The following MED13L variants were observed in gnomAD, a reference collection of about 807,000 sequenced individuals.
MED13L encodes the protein mediator complex subunit 13L.
In MED13L, 7 loss-of-function variants were observed where a neutral mutation model predicts 220.9. The observed-to-expected ratio is 0.03, with a 90% CI of 0.02 to 0.06. The LOEUF (loss-of-function observed/expected upper bound fraction) is 0.06, where lower values mean the gene tolerates loss of function less well. Ranked by LOEUF, MED13L falls within the 10% of genes least tolerant of loss-of-function variation. The pLI, the probability that MED13L is intolerant of heterozygous loss-of-function variation, is 1.00. For missense variants in MED13L, 1,965 were observed against 2,760.5 expected (o/e 0.71, Z 6.46); for synonymous variants, 1,011 against 1,015.2 (o/e 1.00, Z 0.08).
chr12:116,153,421 C>A (rs1199939936), intron 2 of MED13L, among the ~76,000 whole-genome samples: 1 of 152,196 alleles, frequency 6.6e-6, no homozygotes, highest in Non-Finnish European at 1.5e-5. Context: ...TACCACAAGT[C>A]TCTATCCCAC....
intron 4 of MED13L, among the ~76,000 whole-genome samples, chr12:116,060,145 C>T (rs1484613468): frequency 6.6e-6 from 1 of 152,106 alleles, no homozygotes; most frequent in Non-Finnish European, 1.5e-5. Context: ...CAAAACACTG[C>T]CCAGGACACT....
intron 4 of MED13L, among the ~76,000 whole-genome samples, chr12:116,094,433 A>C (rs1872500184): frequency 6.6e-6 from 1 of 152,220 alleles, no homozygotes; most frequent in African/African-American, 2.4e-5. Context: ...TCAAATTCCC[A>C]AATACATTAC....
intron 1 of MED13L, among the ~76,000 whole-genome samples, chr12:116,249,145 A>C (rs1254854900): frequency 6.6e-6 from 1 of 152,206 alleles, no homozygotes; most frequent in Non-Finnish European, 1.5e-5. Context: ...CTATCACTCC[A>C]AGAGTTCACC....
Position 115,991,965 on chromosome 12 carries a change from AAG to A in MED13L, c.2997-10_2997-9del, listed in dbSNP as rs1481610685. ...CCAACACTAGGCACGTTACTACAAA[AAG>A]AGAAGGCACCAAGTGAGGAAGGGCA... On this transcript the variant is annotated splice_polypyrimidine_tract_variant and intron_variant, in intron 16 of 30. Transcript: ENST00000281928. This position sits in a 1 kb window ranked among gnomAD's most constrained non-coding sequence, Gnocchi z 7.7. The A allele has an allele frequency of 6.3e-7, 1 of 1,596,996 alleles. No individual in the cohort carries two copies. Among genetic ancestry groups the A allele is most frequent in the East Asian group, 2.2e-5 (1 of 44,776 alleles).
chr12:116,093,082 T>C (rs986312426), intron 4 of MED13L, among the ~76,000 whole-genome samples: 2 of 152,190 alleles, frequency 1.3e-5, no homozygotes, highest in Admixed American at 6.5e-5. Flanking sequence ...GGATTGAGAT[T>C]AAATTAGAAA....
At chr12:116,238,929 CA>C (rs1305061057) in intron 1 of MED13L, among the ~76,000 whole-genome samples, 2 of 152,010 alleles carry the variant, frequency 1.3e-5, no homozygotes, top group African/African-American at 4.8e-5. Flanking sequence ...ACCCCGTCTC[CA>C]CTAAAAATAC....
At chr12:116,207,189 T>C (rs1157236142) in intron 2 of MED13L, among the ~76,000 whole-genome samples, 1 of 151,604 alleles carries the variant, frequency 6.6e-6, no homozygotes, top group East Asian at 1.9e-4. Context: ...TTTACAGAGA[T>C]GGGGTCTCCC....
intron 4 of MED13L, among the ~76,000 whole-genome samples, chr12:116,026,506 A>AC (rs1478433801): frequency 6.6e-6 from 1 of 152,172 alleles, no homozygotes; most frequent in Non-Finnish European, 1.5e-5. Flanking sequence ...ATGTAAAAGC[A>AC]CCTGTTAGTG....
At chr12:116,084,379 TG>T (rs1871467588) in intron 4 of MED13L, among the ~76,000 whole-genome samples, 1 of 152,120 alleles carries the variant, frequency 6.6e-6, no homozygotes, top group African/African-American at 2.4e-5. Context: ...AAGGGGTAAA[TG>T]GAGGGCTGCA....
At chr12:116,104,765 A>C (rs754551273) in intron 3 of MED13L, among the ~76,000 whole-genome samples, 12 of 152,222 alleles carry the variant, frequency 7.9e-5, no homozygotes, top group Non-Finnish European at 1.8e-4. Context: ...TTTCTATTGA[A>C]ATTAACATAT....
chr12:116,273,299 G>A (rs763449644), intron 1 of MED13L, among the ~76,000 whole-genome samples: 8 of 151,742 alleles, frequency 5.3e-5, no homozygotes, highest in African/African-American at 1.5e-4. Context: ...GCGAAACTCC[G>A]TCTCAAAAAA....
intron 2 of MED13L, among the ~76,000 whole-genome samples, chr12:116,225,140 T>C (rs1232906034): frequency 6.6e-6 from 1 of 152,232 alleles, no homozygotes; most frequent in African/African-American, 2.4e-5. Context: ...CATTAAAGTG[T>C]TTTTGCTATG....
chr12:116,142,907 T>A (rs1038899219), intron 2 of MED13L, among the ~76,000 whole-genome samples: 3 of 152,208 alleles, frequency 2.0e-5, no homozygotes, highest in African/African-American at 7.2e-5. Context: ...TTATTAGAAC[T>A]CCAAGCAACC....
At chr12:116,215,894 A>G (rs1367663626) in intron 2 of MED13L, among the ~76,000 whole-genome samples, 1 of 152,076 alleles carries the variant, frequency 6.6e-6, no homozygotes, top group African/African-American at 2.4e-5. Context: ...AATCCTCCCA[A>G]CTGTTCACCT....
Position 116,034,937 on chromosome 12 carries a change from G to A in MED13L, c.480-12336C>T, listed in dbSNP as rs187877638. 3.9e-5 allele frequency among the ~76,000 whole-genome samples: 6 copies of A among 152,222 alleles called. No homozygotes were observed. The East Asian group carries it at 5.8e-4, about 15-fold the overall frequency. ...GAAGAATCACTTGAACCTGGGAGGC[G>A]GAGGTTGCAGTGAGCCGAGATCGCG... On this transcript the variant is annotated intron_variant, in intron 4 of 30. Coordinates refer to ENST00000281928, the MANE Select transcript of MED13L (RefSeq NM_015335.5).
chr12:116,128,258 AG>A (rs1314085956), intron 2 of MED13L, among the ~76,000 whole-genome samples: 1 of 152,242 alleles, frequency 6.6e-6, no homozygotes, highest in Non-Finnish European at 1.5e-5. Context: ...TGTGACCCTG[AG>A]GAAAACATTC....
chr12:115,977,915 A>G (rs953521016), intron 23 of MED13L, among the ~76,000 whole-genome samples: 1 of 152,144 alleles, frequency 6.6e-6, no homozygotes, highest in Non-Finnish European at 1.5e-5. Flanking sequence ...GGATCACTTA[A>G]GCCCAGGGAG....
intron 2 of MED13L, among the ~76,000 whole-genome samples, chr12:116,190,021 T>C (rs533854954): frequency 6.6e-6 from 1 of 152,298 alleles, no homozygotes; most frequent in East Asian, 1.9e-4. Flanking sequence ...GTTTTCTTTC[T>C]TTCTGATCTG....
At chr12:115,963,359 G>A (rs764042170) in intron 30 of MED13L, 48 bp downstream of exon 30, 8 of 1,391,870 alleles carry the variant, frequency 5.7e-6, no homozygotes, top group Non-Finnish European at 8.2e-6. Flanking sequence ...AACAGTAAAG[G>A]AATATTGTTT....
Sources: gnomAD v4.1 joint callset for allele counts (sites outside exome capture counted in the v4.1 genomes callset) on GRCh38, gnomAD v4.1.1 for gene constraint, Gnocchi (gnomAD v3.1) non-coding constraint, MANE v1.5 for transcripts, NCBI Gene and HGNC (gene_info 2026-07-23, HGNC 2026-07-21) for gene names.